The following NXPE2 variants were observed in gnomAD, a reference collection of about 807,000 sequenced individuals.
The protein encoded by NXPE2 is neurexophilin and PC-esterase domain family member 2, also known as NXPE family member 2.
In NXPE2, 34 loss-of-function variants were observed where a neutral mutation model predicts 34.4. That is an observed-to-expected ratio of 0.99 (90% CI 0.75 to 1.31). The LOEUF is 1.31. Ranked by LOEUF, NXPE2 falls within the 40% of genes most tolerant of loss-of-function variation. The probability of loss-of-function intolerance (pLI) is 0.00; values close to 1 mark genes in which losing one functional copy is unlikely to be tolerated. For synonymous variants in NXPE2, 235 were observed against 231.3 expected (o/e 1.02, Z -0.15); for missense variants, 649 against 672.5 (o/e 0.97, Z 0.39).
the NXPE2 span, among the ~76,000 whole-genome samples, chr11:114,524,484 C>G: frequency 6.6e-6 from 1 of 152,172 alleles, no homozygotes; most frequent in Middle Eastern, 3.2e-3. Context: ...GGAAAGTGCA[C>G]TTGGAATAGC....
At chr11:114,504,813 C>T in the NXPE2 span, among the ~76,000 whole-genome samples, 1 of 152,134 alleles carries the variant, frequency 6.6e-6, no homozygotes, top group African/African-American at 2.4e-5. Flanking sequence ...ACTCAACAAG[C>T]TCGAGTGCCT....
At chr11:114,751,593 G>A in the NXPE2 span, among the ~76,000 whole-genome samples, 2 of 152,144 alleles carry the variant, frequency 1.3e-5, no homozygotes, top group Non-Finnish European at 2.9e-5. Context: ...GGGCTTTCTG[G>A]TGGAGGGATG....
At chr11:114,576,918 C>A in the NXPE2 span, among the ~76,000 whole-genome samples, 5 of 148,380 alleles carry the variant, frequency 3.4e-5, no homozygotes, top group African/African-American at 1.2e-4. Context: ...TTTGCAATTG[C>A]AAAAATAAGG....
At chr11:114,615,422 T>A in the NXPE2 span, among the ~76,000 whole-genome samples, 1 of 151,992 alleles carries the variant, frequency 6.6e-6, no homozygotes, top group Non-Finnish European at 1.5e-5. Flanking sequence ...CTATGGAGAA[T>A]AAGTAATGCC....
At chr11:114,513,020 G>C in the NXPE2 span, 7 of 389,032 alleles carry the variant, frequency 1.8e-5, no homozygotes, top group Non-Finnish European at 3.7e-5. Flanking sequence ...GTGAGCAGCA[G>C]AGACAGGGGT....
the NXPE2 span, among the ~76,000 whole-genome samples, chr11:114,531,073 A>G: frequency 2.6e-5 from 4 of 151,938 alleles, no homozygotes; most frequent in African/African-American, 4.8e-5. Flanking sequence ...CCAAAAGAGA[A>G]GAGAAACAAG....
the NXPE2 span, among the ~76,000 whole-genome samples, chr11:114,468,847 C>G: frequency 6.6e-6 from 1 of 152,118 alleles, no homozygotes; most frequent in Non-Finnish European, 1.5e-5. Flanking sequence ...TTGCCCAGTT[C>G]ATATATCTGA....
the NXPE2 span, among the ~76,000 whole-genome samples, chr11:114,479,689 G>C: frequency 6.6e-6 from 1 of 152,136 alleles, no homozygotes; most frequent in African/African-American, 2.4e-5. Flanking sequence ...TAGGAGACAG[G>C]GCTGGAGTTT....
chr11:114,499,078 CAG>C, the NXPE2 span, among the ~76,000 whole-genome samples: 1 of 152,072 alleles, frequency 6.6e-6, no homozygotes, highest in Non-Finnish European at 1.5e-5. Flanking sequence ...TATTGATATC[CAG>C]ATGAACTGTT....
chr11:114,721,410 G>A, the NXPE2 span, among the ~76,000 whole-genome samples: 27,370 of 151,982 alleles, frequency 0.18, 3,053 homozygotes, highest in East Asian at 0.36. Flanking sequence ...CGTGTTGGTG[G>A]GTTTGTAACT....
chr11:114,512,654 G>A, the NXPE2 span: 1 of 153,700 alleles, frequency 6.5e-6, no homozygotes, highest in African/African-American at 2.4e-5. Context: ...CACAAAGATT[G>A]CCATGTTCAC....
At chr11:114,475,703 C>T in the NXPE2 span, among the ~76,000 whole-genome samples, 17 of 152,186 alleles carry the variant, frequency 1.1e-4, no homozygotes, top group African/African-American at 4.1e-4. Context: ...ATGGTTAGCT[C>T]TCTCTTCTGT....
At chr11:114,605,381 C>A in the NXPE2 span, among the ~76,000 whole-genome samples, 1 of 151,888 alleles carries the variant, frequency 6.6e-6, no homozygotes, top group East Asian at 1.9e-4. Context: ...ATAAGTATTG[C>A]CTATGGGTAA....
At chr11:114,791,181 G>GA in the NXPE2 span, among the ~76,000 whole-genome samples, 72 of 141,532 alleles carry the variant, frequency 5.1e-4, no homozygotes, top group Admixed American at 8.5e-4. Context: ...GATTCCGTTT[G>GA]AAAAAAAAAA....
At chr11:114,766,335 C>G in the NXPE2 span, among the ~76,000 whole-genome samples, 1 of 152,112 alleles carries the variant, frequency 6.6e-6, no homozygotes, top group African/African-American at 2.4e-5. Context: ...CTATTAGGAA[C>G]CAGCTGACGG....
chr11:114,621,071 AC>A, the NXPE2 span, among the ~76,000 whole-genome samples: 1 of 152,152 alleles, frequency 6.6e-6, no homozygotes, highest in Non-Finnish European at 1.5e-5. Context: ...AACCACTATT[AC>A]CCCGTGGATA....
chr11:114,554,964 C>T, the NXPE2 span, among the ~76,000 whole-genome samples: 1 of 152,046 alleles, frequency 6.6e-6, no homozygotes, highest in African/African-American at 2.4e-5. Flanking sequence ...TCAAGGTGCA[C>T]ACCCTAACTA....
At chr11:114,675,879 T>C (rs752163587), upstream of NXPE2, among the ~76,000 whole-genome samples, 4 of 151,876 alleles carry the variant, frequency 2.6e-5, no homozygotes, top group Admixed American at 6.6e-5. Context: ...CAAAACAGCA[T>C]GGTATGGGCA....
chr11:114,741,079 G>C, the NXPE2 span, among the ~76,000 whole-genome samples: 1 of 152,112 alleles, frequency 6.6e-6, no homozygotes, highest in African/African-American at 2.4e-5. Flanking sequence ...CTGTAGGACA[G>C]ATTTTCTGAG....
Sources: gnomAD v4.1 joint callset for allele counts (sites outside exome capture counted in the v4.1 genomes callset) on GRCh38, gnomAD v4.1.1 for gene constraint, MANE v1.5 for transcripts, NCBI Gene and HGNC (gene_info 2026-07-23, HGNC 2026-07-21) for gene names.